The following HIF1AN variants were observed in gnomAD, a reference collection of about 807,000 sequenced individuals.
HIF1AN encodes the protein hypoxia-inducible factor 1-alpha inhibitor.
HIF1AN carries 21 observed loss-of-function variants against 47.7 expected under a neutral mutation model. The ratio of observed to expected loss-of-function variants is 0.44; its 90% CI spans 0.31 to 0.63. The LOEUF (loss-of-function observed/expected upper bound fraction) is 0.63, where lower values mean the gene tolerates loss of function less well. Ranked by LOEUF, HIF1AN falls within the 30% of genes least tolerant of loss-of-function variation. The probability of loss-of-function intolerance (pLI) is 0.07; values close to 1 mark genes in which losing one functional copy is unlikely to be tolerated. For synonymous variants in HIF1AN, 152 were observed against 155.9 expected (o/e 0.98, Z 0.18); for missense variants, 320 against 432.7 (o/e 0.74, Z 2.31).
At chr10:100,545,149 T>G in intron 4 of HIF1AN, 53 bp downstream of exon 4, 1 of 1,569,236 alleles carries the variant, frequency 6.4e-7, no homozygotes, top group South Asian at 1.1e-5. Context: ...TAGTAATGCC[T>G]AGGCTGGAAT....
chr10:100,544,906 A>C, intron 3 of HIF1AN, 45 bp from the exon 4 acceptor site: 1 of 1,599,606 alleles, frequency 6.3e-7, no homozygotes, highest in Non-Finnish European at 8.6e-7. Context: ...CAGCTTATGC[A>C]ATAGAACCAC....
chr10:100,536,317 C>A, intron 1 of HIF1AN, 94 bp from the exon 2 acceptor site: 9 of 1,462,574 alleles, frequency 6.2e-6, no homozygotes, highest in Non-Finnish European at 8.4e-6. Flanking sequence ...AGAAATTATT[C>A]TGAAGTTGAG....
In HIF1AN at chr10:100,552,939, C is replaced by A; in HGVS notation, c.*4802C>A. 6.6e-6 allele frequency: 1 copy of A among 152,232 alleles called. No homozygotes were observed. The highest frequency in any genetic ancestry group is 1.5e-5 in the Non-Finnish European group (1 of 68,162). 9.4% of individuals were successfully genotyped at this position (152,232 alleles called of 1,614,324 possible). The stretch of plus-strand genomic sequence containing the variant: ...TTGTCTTCAGCCATCTTGGTTTAAT[C>A]CTCATAGGTCATGGATGAATGGAGC... On this transcript the variant is annotated 3_prime_UTR_variant, in exon 8 of 8. Coordinates refer to ENST00000299163, the MANE Select transcript of HIF1AN (RefSeq NM_017902.3).
chr10:100,547,964 G>A, intron 7 of HIF1AN, 129 bp from the exon 8 acceptor site: 1 of 811,240 alleles, frequency 1.2e-6, no homozygotes, highest in Admixed American at 2.1e-5. Flanking sequence ...GTGATTAGAG[G>A]ATTCACAAGA....
At chr10:100,542,642 A>T (rs1408419583) in intron 3 of HIF1AN, among the ~76,000 whole-genome samples, 1 of 152,166 alleles carries the variant, frequency 6.6e-6, no homozygotes, top group Non-Finnish European at 1.5e-5. Context: ...GGCGTGAGCC[A>T]CCGCGCCTGG....
Position 100,552,034 on chromosome 10 carries a change from T to C in HIF1AN, c.*3897T>C, listed in dbSNP as rs1222363071. On this transcript the variant is annotated 3_prime_UTR_variant, in exon 8 of 8. Coordinates refer to ENST00000299163, the MANE Select transcript of HIF1AN (RefSeq NM_017902.3). ...GGCTGTGTGGAGGGGCTCTGAGGCC[T>C]CTGAGGCCAGATGTGTAAACAGTGC... 2 of 152,222 alleles carry C rather than the reference T, an allele frequency of 1.3e-5. No homozygotes were observed. Among genetic ancestry groups the C allele is most frequent in the Non-Finnish European group, 2.9e-5 (2 of 68,078 alleles). 9.4% of individuals were successfully genotyped at this position (152,222 alleles called of 1,614,324 possible).
At chr10:100,544,621 C>T (rs1462229064) in intron 3 of HIF1AN, among the ~76,000 whole-genome samples, 3 of 152,184 alleles carry the variant, frequency 2.0e-5, no homozygotes, top group East Asian at 1.9e-4. Context: ...GAAGAGTACA[C>T]GGTGTACACA....
In HIF1AN at chr10:100,536,503, C is replaced by T. The variant is rs199949653; in HGVS notation, c.270C>T (p.Phe90=). 6.2e-7 allele frequency: 1 copy of T among 1,614,170 alleles called. No homozygotes were observed. Among genetic ancestry groups the T allele is most frequent in the South Asian group, 1.1e-5 (1 of 91,088 alleles). ...AAGAGAATATTGGCAATGGAGACTT[C>T]TCTGTGTACAGTGCCAGCACCCACA... ...YLQENIGNGD[F]SVYSASTHKF... is the part of the protein sequence containing the mutation. The change falls in exon 2 of 8, where the codon TTC becomes TTT. Residue 90 remains phenylalanine (F), a synonymous_variant. Coordinates refer to ENST00000299163, the MANE Select transcript of HIF1AN (RefSeq NM_017902.3).
Position 100,543,582 on chromosome 10 carries a change from CTT to C in HIF1AN, c.578-1362_578-1361del, listed in dbSNP as rs147350842. On this transcript the variant is annotated intron_variant, in intron 3 of 7. Coordinates refer to ENST00000299163, the MANE Select transcript of HIF1AN (RefSeq NM_017902.3). ...AGAGCCAGTTCTGGTTTACTTGACT[CTT>C]TTTTTTGAGACAGAGTCTCGCTCTG... Among the ~76,000 whole-genome samples the C allele has an allele frequency of 8.1e-3, 1,236 of 151,878 alleles. 18 individuals are homozygous for C. The highest frequency in any genetic ancestry group is 0.027 in the African/African-American group (1,111 of 41,424).
rs1843217806 is a variant in HIF1AN, at chr10:100,556,802, C to G, written c.*8665C>G. 6.6e-6 allele frequency: 1 copy of G among 152,200 alleles called. No individual in the cohort carries two copies. Among genetic ancestry groups the G allele is most frequent in the Non-Finnish European group, 1.5e-5 (1 of 68,040 alleles). The allele number at this position is 152,200 out of a possible 1,614,324, so 9.4% of individuals were successfully genotyped here. A position where few individuals can be genotyped will look rare whatever the true frequency, so the allele number is the denominator to read the frequency against. ...CCTCTGTGAGGGGTAGGAAATAGCA[C>G]ATAACTTGTAGCATTGTTATAAGGG... On this transcript the variant is annotated 3_prime_UTR_variant, in exon 8 of 8. Coordinates refer to ENST00000299163, the MANE Select transcript of HIF1AN (RefSeq NM_017902.3).
In HIF1AN at chr10:100,556,539, G is replaced by A. The variant is rs1032392661; in HGVS notation, c.*8402G>A. On this transcript the variant is annotated 3_prime_UTR_variant, in exon 8 of 8. Transcript: ENST00000299163. ...GAGATTGTCAGAGTCTGCCTTGCTA[G>A]TCTAGAGGTAGGACCATGGATTTAA... 6.6e-6 allele frequency: 1 copy of A among 152,282 alleles called. No homozygotes were observed. Among genetic ancestry groups the A allele is most frequent in the African/African-American group, 2.4e-5 (1 of 41,458 alleles). The allele number at this position is 152,282 out of a possible 1,614,324, so 9.4% of individuals were successfully genotyped here. A position where few individuals can be genotyped will look rare whatever the true frequency, so the allele number is the denominator to read the frequency against.
intron 6 of HIF1AN, among the ~76,000 whole-genome samples, 153 bp from the exon 7 acceptor site, chr10:100,546,987 G>A (rs1301529427): frequency 4.6e-5 from 7 of 152,004 alleles, no homozygotes; most frequent in Non-Finnish European, 5.9e-5. Context: ...TGATCCACCC[G>A]CCTCGGCCTC....
Position 100,548,916 on chromosome 10 carries a change from C to A in HIF1AN, c.*779C>A, listed in dbSNP as rs1447488551. The A allele has an allele frequency of 6.6e-6, 1 of 152,588 alleles. No individual in the cohort carries two copies. Among genetic ancestry groups the A allele is most frequent in the African/African-American group, 2.4e-5 (1 of 41,434 alleles). 9.5% of individuals were successfully genotyped at this position (152,588 alleles called of 1,614,324 possible). On this transcript the variant is annotated 3_prime_UTR_variant, in exon 8 of 8. Transcript: ENST00000299163. ...TTCTCTCTTTCAGCACCAGCTCTTGCCCCTATGCTGGGTACCAAGGGAGTT... is the reference window on the plus strand; with the variant it reads ...TTCTCTCTTTCAGCACCAGCTCTTGACCCTATGCTGGGTACCAAGGGAGTT...
At chr10:100,542,699 G>A (rs1050733082) in intron 3 of HIF1AN, among the ~76,000 whole-genome samples, 3 of 152,042 alleles carry the variant, frequency 2.0e-5, no homozygotes, top group East Asian at 1.9e-4. Context: ...CATGGAGTTC[G>A]AATTCAAAAG....
chr10:100,541,692 G>A (rs1317082074), intron 3 of HIF1AN, among the ~76,000 whole-genome samples: 1 of 152,124 alleles, frequency 6.6e-6, no homozygotes, highest in African/African-American at 2.4e-5. Flanking sequence ...CTAGTTTCGT[G>A]TATTCTAAAA....
chr10:100,536,578 G>C lies in HIF1AN; in HGVS notation c.345G>C (p.Lys115Asn), dbSNP rs748305057. 1.1e-5 allele frequency: 18 copies of C among 1,614,188 alleles called. 1 individual carries two copies. The highest frequency in any genetic ancestry group is 5.0e-5 in the Admixed American group (3 of 60,020). The stretch of plus-strand genomic sequence containing the variant: ...AGATGGCCAATTTCCAGAACTTTAA[G>C]CCGAGGTCCAACAGGGAAGAAATGA... ...EKKMANFQNF[K>N]PRSNREEMKF... Residue 115 changes from lysine to asparagine, a missense_variant, in exon 2 of 8, where the codon AAG becomes AAC. Around this residue, in one of 2 missense-constraint regions of HIF1AN, gnomAD observed 159 missense variants for 159.9 expected, o/e 0.99. Coordinates refer to ENST00000299163, the MANE Select transcript of HIF1AN (RefSeq NM_017902.3).
intron 1 of HIF1AN, 83 bp downstream of exon 1, chr10:100,536,218 G>C (rs1852218337): frequency 7.2e-7 from 1 of 1,392,618 alleles, no homozygotes; most frequent in Admixed American, 2.1e-5. Context: ...AGAGATGGGA[G>C]ACTGGCAGGG....
intron 4 of HIF1AN, 75 bp from the exon 5 acceptor site, chr10:100,545,868 C>T: frequency 2.2e-6 from 2 of 927,410 alleles, no homozygotes; most frequent in East Asian, 2.4e-5. Context: ...TTTTTACTGC[C>T]AAACTGGCAT....
At chr10:100,547,610 G>A (rs1843106382) in intron 7 of HIF1AN, among the ~76,000 whole-genome samples, 1 of 152,192 alleles carries the variant, frequency 6.6e-6, no homozygotes, top group African/African-American at 2.4e-5. Flanking sequence ...ATGCAGGTGT[G>A]CCAGTGGCCC....
Sources: allele counts gnomAD v4.1 joint callset (sites outside exome capture counted in the v4.1 genomes callset), GRCh38; gene constraint gnomAD v4.1.1; regional missense constraint gnomAD v4.1.1; transcripts MANE v1.5; gene names NCBI Gene and HGNC (gene_info 2026-07-23, HGNC 2026-07-21).